The following ZFAND3 variants were observed in gnomAD, a reference collection of about 807,000 sequenced individuals.
ZFAND3 encodes AN1-type zinc finger protein 3.
In ZFAND3, 10 loss-of-function variants were observed where a neutral mutation model predicts 29.6. The ratio of observed to expected loss-of-function variants is 0.34; its 90% confidence interval spans 0.21 to 0.57. The LOEUF (loss-of-function observed/expected upper bound fraction) is 0.57, where lower values mean the gene tolerates loss of function less well. Among genes scored for constraint, ZFAND3 ranks in the 20% least tolerant of loss-of-function variants. The pLI is 0.86. For synonymous variants in ZFAND3, 128 were observed against 112.6 expected, an observed-to-expected ratio of 1.14 and a Z score of -0.87; for missense variants, 230 against 304.5, an observed-to-expected ratio of 0.76 and a Z score of 1.82.
chr6:38,053,191 T>TGGTTCTAAG (rs1764063088), intron 2 of ZFAND3, among the ~76,000 whole-genome samples: 1 of 152,080 alleles, frequency 6.6e-6, no homozygotes, highest in African/African-American at 2.4e-5. Flanking sequence ...AGCTAGTAGC[T>TGGTTCTAAG]GGTTCTAAGT....
At chr6:38,054,545 T>A (rs967438071) in intron 2 of ZFAND3, among the ~76,000 whole-genome samples, 41 of 152,136 alleles carry the variant, frequency 2.7e-4, no homozygotes, top group East Asian at 7.7e-4. Context: ...TAATTTTTTT[T>A]AAAAAAGAAG....
chr6:38,116,078 T>TCAAACGCTGGCTTTGGGAGC, intron 4 of ZFAND3, among the ~76,000 whole-genome samples: 1 of 152,310 alleles, frequency 6.6e-6, no homozygotes, highest in Middle Eastern at 3.4e-3. Flanking sequence ...AGATCACTCA[T>TCAAACGCTGGCTTTGGGAGC]CAAACGCTGG....
rs148802387 is a variant in ZFAND3 at position 38,047,925 on chromosome 6, C to T, written c.113-13668C>T. Among the ~76,000 whole-genome samples, 4 of 150,482 alleles carry T rather than the reference C, an allele frequency of 2.7e-5. No individual in the cohort carries two copies. The East Asian group carries it at 5.8e-4, about 22-fold the overall frequency. On this transcript the variant is annotated intron_variant, in intron 2 of 5. Coordinates refer to ENST00000287218, the MANE Select transcript of ZFAND3 (RefSeq NM_021943.3). The stretch of plus-strand genomic sequence containing the variant: ...GCCTAAGCTGACTGATAATAAGAAC[C>T]GTAGGTTAAGAAGATCTGTTCCAGA...
intron 5 of ZFAND3, among the ~76,000 whole-genome samples, chr6:38,119,168 T>C (rs1179670907): frequency 2.0e-5 from 3 of 152,120 alleles, no homozygotes; most frequent in Non-Finnish European, 4.4e-5. Flanking sequence ...AGGACAACAA[T>C]GGGAACATGC....
intron 2 of ZFAND3, among the ~76,000 whole-genome samples, chr6:37,990,102 A>G (rs545784033): frequency 6.6e-6 from 1 of 152,272 alleles, no homozygotes; most frequent in African/African-American, 2.4e-5. Context: ...AGGGCTTGTT[A>G]AACTATAGAC....
intron 3 of ZFAND3, among the ~76,000 whole-genome samples, chr6:38,081,380 A>G (rs1764659085): frequency 6.6e-6 from 1 of 152,086 alleles, no homozygotes; most frequent in South Asian, 2.1e-4. Context: ...TGGGCTCTCC[A>G]AGTCCTTAAA....
chr6:37,872,929 G>A (rs901042966), intron 1 of ZFAND3, among the ~76,000 whole-genome samples: 1 of 152,182 alleles, frequency 6.6e-6, no homozygotes, highest in African/African-American at 2.4e-5. Context: ...GAACTTAATT[G>A]TTTCATTGCA....
chr6:38,124,100 A>C (rs1269280923), intron 5 of ZFAND3, among the ~76,000 whole-genome samples: 2 of 152,120 alleles, frequency 1.3e-5, no homozygotes, highest in South Asian at 2.1e-4. Context: ...GCTAGACACA[A>C]AAGCTCTCCA....
chr6:38,147,447 A>G (rs1272341614), intron 5 of ZFAND3, among the ~76,000 whole-genome samples: 1 of 152,246 alleles, frequency 6.6e-6, no homozygotes, highest in Non-Finnish European at 1.5e-5. Context: ...GCCACAATAA[A>G]CATGCGAATG....
At chr6:38,100,746 A>C (rs1159741716) in intron 4 of ZFAND3, among the ~76,000 whole-genome samples, 1 of 152,246 alleles carries the variant, frequency 6.6e-6, no homozygotes, top group Non-Finnish European at 1.5e-5. Flanking sequence ...TTTTTTTAAC[A>C]TAATTTCAGA....
At chr6:37,831,000 A>C (rs1322537861) in intron 1 of ZFAND3, among the ~76,000 whole-genome samples, 2 of 151,996 alleles carry the variant, frequency 1.3e-5, no homozygotes, top group African/African-American at 4.8e-5. Flanking sequence ...AAAACTCCGA[A>C]GATGAAGGGC....
chr6:37,885,323 C>T (rs1463883056), intron 1 of ZFAND3, among the ~76,000 whole-genome samples: 1 of 152,080 alleles, frequency 6.6e-6, no homozygotes, highest in Non-Finnish European at 1.5e-5. Flanking sequence ...TTTCCTCATC[C>T]CTAGGAATAC....
intron 2 of ZFAND3, among the ~76,000 whole-genome samples, chr6:38,041,681 T>TCTTCTTCTTCTTCTTCTC (rs1561976775): frequency 7.3e-5 from 1 of 13,738 alleles, no homozygotes; most frequent in African/African-American, 2.2e-4. Context: ...TTCTTCTTCT[T>TCTTCTTCTTCTTCTTCTC]CTTCTCCTTC....
At chr6:38,023,708 GA>G (rs1763393742) in intron 2 of ZFAND3, among the ~76,000 whole-genome samples, 1 of 152,066 alleles carries the variant, frequency 6.6e-6, no homozygotes, top group African/African-American at 2.4e-5. Flanking sequence ...TACTTGTCTG[GA>G]AAAATCCAGA....
intron 1 of ZFAND3, among the ~76,000 whole-genome samples, chr6:37,838,157 T>C (rs1303860680): frequency 6.6e-6 from 1 of 152,234 alleles, no homozygotes; most frequent in East Asian, 1.9e-4. Flanking sequence ...GATGCATCTT[T>C]GAAGTGCTGA....
intron 3 of ZFAND3, among the ~76,000 whole-genome samples, chr6:38,077,579 A>G (rs1336044621): frequency 2.0e-5 from 3 of 152,184 alleles, no homozygotes; most frequent in Non-Finnish European, 4.4e-5. Context: ...TAGCTGACCA[A>G]TTCCGTGGTA....
chr6:38,148,777 A>T (rs961518879), intron 5 of ZFAND3, among the ~76,000 whole-genome samples: 1 of 152,168 alleles, frequency 6.6e-6, no homozygotes, highest in South Asian at 2.1e-4. Flanking sequence ...CCCCCTTCTG[A>T]CACCAAAATG....
intron 2 of ZFAND3, among the ~76,000 whole-genome samples, chr6:37,958,314 C>T (rs1377960322): frequency 1.3e-5 from 2 of 151,976 alleles, no homozygotes; most frequent in African/African-American, 4.8e-5. Context: ...ATTAGCTGGG[C>T]GTGGTGGCGG....
At chr6:38,081,306 C>T (rs1764657758) in intron 3 of ZFAND3, among the ~76,000 whole-genome samples, 1 of 152,082 alleles carries the variant, frequency 6.6e-6, no homozygotes, top group Non-Finnish European at 1.5e-5. Context: ...CTTACACTCA[C>T]TAAGGGTTGT....
Sources: gnomAD v4.1 joint callset for allele counts (sites outside exome capture counted in the v4.1 genomes callset) on GRCh38, gnomAD v4.1.1 for gene constraint, MANE v1.5 for transcripts, NCBI Gene and HGNC (gene_info 2026-07-23, HGNC 2026-07-21) for gene names.